Variants in PACS1 observed in about 807,000 individuals in gnomAD.
The protein encoded by PACS1 is PACS-1.
Under a neutral mutation model 115.0 loss-of-function variants are expected in PACS1, and 24 were observed. The observed-to-expected ratio is 0.21, with a 90% CI of 0.15 to 0.29. PACS1 has a LOEUF of 0.29. PACS1 is among the 10% of genes least tolerant of loss of function. The pLI is 1.00. For synonymous variants in PACS1, 453 were observed against 504.5 expected (o/e 0.90, Z 1.37); for missense variants, 838 against 1,251.2 (o/e 0.67, Z 4.98).
chr11:66,132,437 T>TA (rs1267348117), intron 1 of PACS1, among the ~76,000 whole-genome samples: 1 of 152,164 alleles, frequency 6.6e-6, no homozygotes, highest in Non-Finnish European at 1.5e-5. Flanking sequence ...TTAATACAGA[T>TA]ACCAAAATCC....
rs75361711 is a variant in PACS1 at position 66,176,207 on chromosome 11, G to A, written c.357-17279G>A. Among the ~76,000 whole-genome samples the A allele has an allele frequency of 1.2e-3, 182 of 152,204 alleles. 2 individuals are homozygous for A. Among genetic ancestry groups the A allele is most frequent in the African/African-American group, 4.2e-3 (176 of 41,530 alleles). ...CAGGTAGTTATCATAGTACCCAATA[G>A]GTAGTGTTTTAAACAAACCACCCCA... On this transcript the variant is annotated intron_variant, in intron 1 of 23. Transcript: ENST00000320580.
At chr11:66,212,200 T>C (rs1379111443) in intron 4 of PACS1, among the ~76,000 whole-genome samples, 1 of 151,736 alleles carries the variant, frequency 6.6e-6, no homozygotes, top group Non-Finnish European at 1.5e-5. Flanking sequence ...GGCATGATCT[T>C]GGCTCACTGA....
chr11:66,221,641 T>TAAA (rs1248377853), intron 10 of PACS1: 1 of 99,366 alleles, frequency 1.0e-5, no homozygotes. Context: ...CGAGATTCCC[T>TAAA]CAAAAAAAAA....
chr11:66,107,669 C>G (rs1858081962), intron 1 of PACS1, among the ~76,000 whole-genome samples: 1 of 152,162 alleles, frequency 6.6e-6, no homozygotes, highest in South Asian at 2.1e-4. Flanking sequence ...ACCACGTTGG[C>G]CAGGGATGCT....
intron 1 of PACS1, among the ~76,000 whole-genome samples, chr11:66,110,671 G>A (rs528718874): frequency 6.6e-6 from 1 of 152,276 alleles, no homozygotes; most frequent in South Asian, 2.1e-4. Context: ...TGCCTCCTGG[G>A]TTCAAGTGAT....
At position 66,070,592 on chromosome 11, in the gene PACS1, C is replaced by G. The variant is rs974507684; in HGVS notation, c.106C>G (p.Gln36Glu). Residue 36 changes from glutamine (Q) to glutamate (E), a missense_variant, in exon 1 of 24, where the codon CAG (glutamine) becomes GAG (glutamate). Transcript: ENST00000320580. This position sits in a 1 kb window ranked among gnomAD's most constrained non-coding sequence, Gnocchi z 5.9. ...GTCCCCTCAGCAGCCGCCGCCGCAGCAGCAGCAGCAGCAGCCGCCGCAGCA... is the reference window on the plus strand; with the variant it reads ...GTCCCCTCAGCAGCCGCCGCCGCAGGAGCAGCAGCAGCAGCCGCCGCAGCA... ...AQSPQQPPPQ[Q>E]QQQQPPQQPT... The G allele has an allele frequency of 1.2e-5, 18 of 1,506,602 alleles. No individual in the cohort carries two copies. Among genetic ancestry groups the G allele is most frequent in the Non-Finnish European group, 1.5e-5 (17 of 1,135,470 alleles). 93.3% of individuals were successfully genotyped at this position (1,506,602 alleles called of 1,614,324 possible). A position where few individuals can be genotyped will look rare whatever the true frequency, so the allele number is the denominator to read the frequency against.
At chr11:66,231,598 C>T (rs1855596018) in intron 13 of PACS1, among the ~76,000 whole-genome samples, 1 of 152,208 alleles carries the variant, frequency 6.6e-6, no homozygotes, top group Admixed American at 6.5e-5. Context: ...AGTGCATTGT[C>T]AGTGTGGCCT....
rs138003032 is a variant in PACS1 at position 66,189,229 on chromosome 11, A to C, written c.357-4257A>C. On this transcript the variant is annotated intron_variant, in intron 1 of 23. Coordinates refer to ENST00000320580, the MANE Select transcript of PACS1 (RefSeq NM_018026.4). The stretch of plus-strand genomic sequence containing the variant: ...AGTCATGCCATTGAAAACAAACAAA[A>C]AAAAATCCTGTTGAACTGATTGCCA... Among the ~76,000 whole-genome samples, 1,136 of 152,316 alleles carry C rather than the reference A, an allele frequency of 7.5e-3. 3 individuals carry two copies. Among genetic ancestry groups the C allele is most frequent in the Middle Eastern group, 0.054 (16 of 294 alleles).
At chr11:66,133,240 C>T (rs1041169375) in intron 1 of PACS1, among the ~76,000 whole-genome samples, 11 of 152,220 alleles carry the variant, frequency 7.2e-5, no homozygotes, top group African/African-American at 2.7e-4. Flanking sequence ...CTCTGCTTTG[C>T]AGAGTTTATT....
At chr11:66,166,559 T>C (rs1471625749) in intron 1 of PACS1, among the ~76,000 whole-genome samples, 1 of 150,822 alleles carries the variant, frequency 6.6e-6, no homozygotes, top group African/African-American at 2.5e-5. Context: ...TTTTTAAAGT[T>C]TTACTCTATA....
At chr11:66,227,190 A>G (rs1855484479) in intron 10 of PACS1, among the ~76,000 whole-genome samples, 1 of 152,176 alleles carries the variant, frequency 6.6e-6, no homozygotes, top group African/African-American at 2.4e-5. Context: ...TCCAGGGTCA[A>G]AGACTTCATG....
At chr11:66,239,354 G>A in intron 21 of PACS1, 77 bp downstream of exon 21, 1 of 1,513,940 alleles carries the variant, frequency 6.6e-7, no homozygotes, top group South Asian at 1.2e-5. Context: ...CAGGCGCATG[G>A]GCTTAGAAGG....
chr11:66,172,901 G>A (rs1859770688), intron 1 of PACS1, among the ~76,000 whole-genome samples: 2 of 151,368 alleles, frequency 1.3e-5, no homozygotes, highest in African/African-American at 2.4e-5. Flanking sequence ...GCTTGAACCC[G>A]GGAGGCGGAG....
chr11:66,230,820 G>A lies in PACS1; in HGVS notation c.1506G>A (p.Val502=), dbSNP rs759261910. The A allele has an allele frequency of 3.9e-5, 63 of 1,614,034 alleles. No homozygotes were observed. The South Asian group carries it at 6.0e-4, about 15-fold the overall frequency. ...GSASPSKVEG[V]HTPRQKRSTP... ...TCCCTGGCAGCAAAGTGGAGGGGGT[G>A]CACACACCCCGGCAGAAGAGGAGCA... Residue 502 remains valine (V), a synonymous_variant, in exon 13 of 24, where the codon GTG becomes GTA. Coordinates refer to ENST00000320580, the MANE Select transcript of PACS1 (RefSeq NM_018026.4).
chr11:66,092,839 G>A (rs1318787783), intron 1 of PACS1, among the ~76,000 whole-genome samples: 1 of 152,120 alleles, frequency 6.6e-6, no homozygotes, highest in Non-Finnish European at 1.5e-5. Context: ...TTGTAGATAT[G>A]CGGCGTTATT....
At chr11:66,102,189 T>A (rs1857932856) in intron 1 of PACS1, among the ~76,000 whole-genome samples, 1 of 152,086 alleles carries the variant, frequency 6.6e-6, no homozygotes, top group Non-Finnish European at 1.5e-5. Flanking sequence ...AAGGATTTAT[T>A]TGCCCCTTTT....
At position 66,211,084 on chromosome 11, in the gene PACS1, A is replaced by T. The variant is rs140646448; in HGVS notation, c.535-50A>T. The T allele has an allele frequency of 6.2e-6, 10 of 1,606,560 alleles. No homozygotes were observed. In the African/African-American group the frequency reaches 1.1e-4, roughly 17 times the overall value. On this transcript the variant is annotated intron_variant, in intron 3 of 23. Transcript: ENST00000320580. ...ACTGTGTGTCCTCCAGAACCCCTCA[A>T]GGACCCAGCTGCCCATTAACCACGC... is the stretch of plus-strand genomic sequence containing the variant.
chr11:66,230,152 A>T (rs693316), intron 11 of PACS1, among the ~76,000 whole-genome samples: 12 of 148,496 alleles, frequency 8.1e-5, no homozygotes, highest in Admixed American at 7.4e-4. Flanking sequence ...AAAAAAAAAA[A>T]AGAAAAAAAA....
intron 4 of PACS1, among the ~76,000 whole-genome samples, chr11:66,214,995 C>T (rs1855165665): frequency 6.6e-6 from 1 of 151,976 alleles, no homozygotes; most frequent in South Asian, 2.1e-4. Context: ...TGCAATGGCA[C>T]AATCACGACT....
Sources: allele counts gnomAD v4.1 joint callset (sites outside exome capture counted in the v4.1 genomes callset), GRCh38; gene constraint gnomAD v4.1.1; non-coding constraint Gnocchi (gnomAD v3.1); transcripts MANE v1.5; gene names NCBI Gene and HGNC (gene_info 2026-07-23, HGNC 2026-07-21).